ABTB3: variants seen among roughly 807,000 people sequenced by gnomAD.
The protein encoded by ABTB3 is ankyrin repeat- and BTB/POZ domain-containing protein 3.
chr12:107,459,586 T>C, the ABTB3 span, among the ~76,000 whole-genome samples: 1 of 152,204 alleles, frequency 6.6e-6, no homozygotes, highest in Non-Finnish European at 1.5e-5. Context: ...AGAGCCCTGA[T>C]GCAAGTAAGG....
the ABTB3 span, among the ~76,000 whole-genome samples, chr12:107,522,923 A>G: frequency 3.3e-5 from 5 of 152,102 alleles, no homozygotes; most frequent in Admixed American, 2.6e-4. Flanking sequence ...ATGCTTACAT[A>G]CCCCCTAATT....
At chr12:107,390,091 G>A in the ABTB3 span, among the ~76,000 whole-genome samples, 1 of 152,138 alleles carries the variant, frequency 6.6e-6, no homozygotes, top group Non-Finnish European at 1.5e-5. Context: ...TTCAGTGTGG[G>A]AGGAGACTAA....
the ABTB3 span, among the ~76,000 whole-genome samples, chr12:107,646,379 C>T: frequency 5.9e-5 from 9 of 152,316 alleles, no homozygotes; most frequent in South Asian, 1.9e-3. Flanking sequence ...TAGGAGACCA[C>T]GTGCTAGAGA....
the ABTB3 span, among the ~76,000 whole-genome samples, chr12:107,330,195 A>G: frequency 6.6e-6 from 1 of 152,188 alleles, no homozygotes; most frequent in African/African-American, 2.4e-5. Context: ...GGAGCCTGGT[A>G]GAGGTTAGAC....
chr12:107,348,200 G>A, the ABTB3 span, among the ~76,000 whole-genome samples: 2 of 151,136 alleles, frequency 1.3e-5, no homozygotes, highest in Admixed American at 1.3e-4. Flanking sequence ...ATATGATGTG[G>A]GTATCTATGC....
the ABTB3 span, among the ~76,000 whole-genome samples, chr12:107,365,417 GAC>G: frequency 3.9e-4 from 60 of 151,958 alleles, no homozygotes; most frequent in Non-Finnish European, 7.5e-4. Context: ...ACACAGAGTA[GAC>G]ACACAAAAAA....
chr12:107,476,952 T>G, the ABTB3 span, among the ~76,000 whole-genome samples: 1 of 152,166 alleles, frequency 6.6e-6, no homozygotes, highest in Admixed American at 6.5e-5. Context: ...AAATATTTGT[T>G]GAATTGTACT....
At chr12:107,645,312 T>A in the ABTB3 span, among the ~76,000 whole-genome samples, 1 of 152,168 alleles carries the variant, frequency 6.6e-6, no homozygotes, top group Non-Finnish European at 1.5e-5. Flanking sequence ...CTGCTGCTGC[T>A]CTGGGACCTG....
the ABTB3 span, chr12:107,580,770 G>A: frequency 6.9e-7 from 1 of 1,449,282 alleles, no homozygotes; most frequent in African/African-American, 1.4e-5. Flanking sequence ...GGCGCTGATT[G>A]GTTTTCCGCC....
chr12:107,537,544 G>A, the ABTB3 span, among the ~76,000 whole-genome samples: 1 of 152,090 alleles, frequency 6.6e-6, no homozygotes, highest in Non-Finnish European at 1.5e-5. Flanking sequence ...AAAAGAAATA[G>A]AATTGCTTCT....
chr12:107,406,000 G>C, the ABTB3 span, among the ~76,000 whole-genome samples: 1 of 152,196 alleles, frequency 6.6e-6, no homozygotes, highest in African/African-American at 2.4e-5. Context: ...TTGAGGGGCA[G>C]CTTAGGGTTG....
chr12:107,599,034 A>T, the ABTB3 span, among the ~76,000 whole-genome samples: 1 of 152,196 alleles, frequency 6.6e-6, no homozygotes, highest in Non-Finnish European at 1.5e-5. Flanking sequence ...GAGTTGATGC[A>T]CAAGTTGAAC....
the ABTB3 span, among the ~76,000 whole-genome samples, chr12:107,402,361 C>T: frequency 3.3e-5 from 5 of 152,180 alleles, no homozygotes; most frequent in African/African-American, 1.2e-4. Context: ...GATTCCAAAT[C>T]TGGCTTGACC....
chr12:107,358,621 G>A, the ABTB3 span, among the ~76,000 whole-genome samples: 4 of 151,908 alleles, frequency 2.6e-5, no homozygotes, highest in Admixed American at 6.6e-5. Flanking sequence ...CCAAGACAGC[G>A]TTTCACTCTG....
chr12:107,561,213 A>G, the ABTB3 span, among the ~76,000 whole-genome samples: 1 of 152,092 alleles, frequency 6.6e-6, no homozygotes, highest in Non-Finnish European at 1.5e-5. Context: ...CACACCCCAG[A>G]CCCTGGGGCA....
chr12:107,541,889 T>C, the ABTB3 span, among the ~76,000 whole-genome samples: 21,816 of 151,060 alleles, frequency 0.14, 1,838 homozygotes, highest in African/African-American at 0.24. Context: ...TACAAACCTG[T>C]ATGTGTACCC....
chr12:107,383,722 G>A, the ABTB3 span, among the ~76,000 whole-genome samples: 1 of 152,192 alleles, frequency 6.6e-6, no homozygotes, highest in Non-Finnish European at 1.5e-5. Flanking sequence ...CAGAACAAAG[G>A]CACTGCATAA....
the ABTB3 span, among the ~76,000 whole-genome samples, chr12:107,470,024 CTCTCTCTCTCTTTCTT>C: frequency 7.2e-6 from 1 of 139,056 alleles, no homozygotes; most frequent in Non-Finnish European, 1.5e-5. Context: ...CTCTCTCTCT[CTCTCTCTCTCTTTCTT>C]TCTTTCTCTC....
the ABTB3 span, among the ~76,000 whole-genome samples, chr12:107,469,866 T>TTTTCTC: frequency 2.6e-5 from 2 of 75,504 alleles, no homozygotes; most frequent in Admixed American, 2.9e-4. Context: ...TCTTTCTTTC[T>TTTTCTC]TTTCTTTCTT....
Sources: gnomAD v4.1 joint callset for allele counts (sites outside exome capture counted in the v4.1 genomes callset) on GRCh38, gnomAD v4.1.1 for gene constraint, MANE v1.5 for transcripts, NCBI Gene and HGNC (gene_info 2026-07-23, HGNC 2026-07-21) for gene names.